RYR2: variants seen among roughly 807,000 people sequenced by gnomAD.
RYR2 encodes the protein cardiac muscle ryanodine receptor-calcium release channel.
A neutral mutation model predicts 601.1 loss-of-function variants in RYR2; 227 were observed. The observed-to-expected ratio is 0.38, with a 90% CI of 0.34 to 0.42. RYR2 has a LOEUF of 0.42. RYR2 is among the 10% of genes least tolerant of loss of function. The probability of loss-of-function intolerance (pLI) is 1.00; values close to 1 mark genes in which losing one functional copy is unlikely to be tolerated. For synonymous variants in RYR2, 2,223 were observed against 2,175.1 expected (o/e 1.02, Z -0.61); for missense variants, 4,646 against 6,156.5 (o/e 0.75, Z 8.21).
intron 28 of RYR2, among the ~76,000 whole-genome samples, chr1:237,567,415 CA>C (rs3057438): frequency 0.32 from 35,184 of 111,600 alleles, 4,768 homozygotes; most frequent in East Asian, 0.58. Flanking sequence ...CCTGTCTCTA[CA>C]AAAAAAAAAA....
At chr1:237,818,500 T>C (rs1391202929) in intron 100 of RYR2, among the ~76,000 whole-genome samples, 1 of 152,052 alleles carries the variant, frequency 6.6e-6, no homozygotes, top group Non-Finnish European at 1.5e-5. Context: ...TGCTATTTCC[T>C]CCCCAGGTCT....
intron 101 of RYR2, among the ~76,000 whole-genome samples, chr1:237,823,461 A>C (rs1472380153): frequency 6.6e-6 from 1 of 152,200 alleles, no homozygotes; most frequent in African/African-American, 2.4e-5. Context: ...GGCAGAAATA[A>C]AGATGTTCTT....
At chr1:237,415,556 A>G (rs59976682) in intron 10 of RYR2, among the ~76,000 whole-genome samples, 16,350 of 152,198 alleles carry the variant, frequency 0.11, 1,799 homozygotes, top group African/African-American at 0.29. Flanking sequence ...TCTAGATCTC[A>G]CTACCAATTT....
chr1:237,158,145 G>A (rs547910034), intron 1 of RYR2, among the ~76,000 whole-genome samples: 1 of 152,196 alleles, frequency 6.6e-6, no homozygotes, highest in Non-Finnish European at 1.5e-5. Context: ...TGTGTTTTAA[G>A]TACATGGCAT....
chr1:237,358,650 C>T (rs888706541), intron 4 of RYR2, among the ~76,000 whole-genome samples: 1 of 151,962 alleles, frequency 6.6e-6, no homozygotes, highest in African/African-American at 2.4e-5. Flanking sequence ...CTGAGACAAT[C>T]CCAAGCTGGA....
intron 12 of RYR2, among the ~76,000 whole-genome samples, chr1:237,435,779 A>G (rs1315647617): frequency 6.6e-6 from 1 of 152,230 alleles, no homozygotes; most frequent in Non-Finnish European, 1.5e-5. Flanking sequence ...ATTCTCATAT[A>G]TGGAAACATT....
intron 1 of RYR2, among the ~76,000 whole-genome samples, chr1:237,065,886 G>A (rs71642875): frequency 6.6e-6 from 1 of 152,172 alleles, no homozygotes; most frequent in Non-Finnish European, 1.5e-5. Context: ...GGCTGGAGCA[G>A]GAGGAAGTGT....
chr1:237,223,013 G>A (rs1189582657), intron 1 of RYR2, among the ~76,000 whole-genome samples: 2 of 152,164 alleles, frequency 1.3e-5, no homozygotes, highest in Non-Finnish European at 2.9e-5. Context: ...AGGTTGCGGT[G>A]AGCCAAGATC....
chr1:237,093,582 T>C (rs1163660234), intron 1 of RYR2, among the ~76,000 whole-genome samples: 1 of 152,008 alleles, frequency 6.6e-6, no homozygotes, highest in Non-Finnish European at 1.5e-5. Flanking sequence ...GACTTAGACC[T>C]TTGTTTCTCT....
chr1:237,088,571 G>GT (rs201649034), intron 1 of RYR2, among the ~76,000 whole-genome samples: 1,689 of 152,218 alleles, frequency 0.011, 34 homozygotes, highest in African/African-American at 0.038. Context: ...GGTGTTGTAC[G>GT]TTTCTTTTTC....
At chr1:237,721,605 C>T (rs1416906609) in intron 73 of RYR2, among the ~76,000 whole-genome samples, 1 of 152,106 alleles carries the variant, frequency 6.6e-6, no homozygotes, top group African/African-American at 2.4e-5. Context: ...GCAACCTCCA[C>T]CTCCTTGGGT....
At position 237,148,096 on chromosome 1, in the gene RYR2, T is replaced by C. The variant is rs140432041; in HGVS notation, c.48+105527T>C. Among the ~76,000 whole-genome samples, 59 of 152,302 alleles carry C rather than the reference T, an allele frequency of 3.9e-4. 1 individual carries two copies. In the East Asian group the frequency reaches 0.01, roughly 26 times the overall value. Reference sequence around the variant, plus strand: ...CGCATGTCGTGTCACACATATATTATGGTGGAGATGACATGGGCCTGCAGA... The same window carrying C: ...CGCATGTCGTGTCACACATATATTACGGTGGAGATGACATGGGCCTGCAGA... On this transcript the variant is annotated intron_variant, in intron 1 of 104. Coordinates refer to ENST00000366574, the MANE Select transcript of RYR2 (RefSeq NM_001035.3).
chr1:237,683,365 C>CTT (rs1209758803), intron 62 of RYR2, among the ~76,000 whole-genome samples: 16 of 152,108 alleles, frequency 1.1e-4, no homozygotes, highest in Non-Finnish European at 4.4e-5. Flanking sequence ...ACTGTCGTGT[C>CTT]TGGAGTATAC....
chr1:237,360,791 C>T (rs972479806), intron 4 of RYR2, among the ~76,000 whole-genome samples: 3 of 152,166 alleles, frequency 2.0e-5, no homozygotes, highest in African/African-American at 7.2e-5. Flanking sequence ...CAGATGATTT[C>T]TGTACCTGTA....
chr1:237,356,026 A>G, intron 4 of RYR2, 41 bp downstream of exon 4: 1 of 1,576,798 alleles, frequency 6.3e-7, no homozygotes, highest in Non-Finnish European at 8.7e-7. Context: ...TGTGATCTAA[A>G]AGTGCATGCT....
chr1:237,798,875 G>C, intron 97 of RYR2, among the ~76,000 whole-genome samples: 1 of 151,872 alleles, frequency 6.6e-6, no homozygotes, highest in East Asian at 1.9e-4. Context: ...TGGAATAAAA[G>C]TAAAACATGC....
intron 2 of RYR2, among the ~76,000 whole-genome samples, chr1:237,282,735 G>A (rs1019699686): frequency 2.6e-5 from 4 of 152,208 alleles, no homozygotes; most frequent in African/African-American, 7.2e-5. Context: ...TGTTTTTGAT[G>A]TTTGAAAGGA....
At chr1:237,243,094 T>G (rs1686382882) in intron 1 of RYR2, among the ~76,000 whole-genome samples, 1 of 151,426 alleles carries the variant, frequency 6.6e-6, no homozygotes, top group South Asian at 2.1e-4. Flanking sequence ...TATTTTCCCC[T>G]GCTGTCACAC....
intron 3 of RYR2, among the ~76,000 whole-genome samples, chr1:237,347,348 A>T (rs901338392): frequency 1.3e-5 from 2 of 152,268 alleles, no homozygotes; most frequent in South Asian, 4.1e-4. Flanking sequence ...AGAGGGAAAA[A>T]TAAAGAAAAA....
Sources: gnomAD v4.1 joint callset for allele counts (sites outside exome capture counted in the v4.1 genomes callset) on GRCh38, gnomAD v4.1.1 for gene constraint, MANE v1.5 for transcripts, NCBI Gene and HGNC (gene_info 2026-07-23, HGNC 2026-07-21) for gene names.